SLIT2: variants seen among roughly 807,000 people sequenced by gnomAD.
SLIT2 encodes the protein slit guidance ligand 2, also known as slit homolog 2 protein.
Under a neutral mutation model 185.7 loss-of-function variants are expected in SLIT2, and 41 were observed. The ratio of observed to expected loss-of-function variants is 0.22; its 90% CI spans 0.17 to 0.29. SLIT2 has a LOEUF of 0.29. SLIT2 is among the 10% of genes least tolerant of loss of function. SLIT2 has a pLI of 1.00. For synonymous variants in SLIT2, 693 were observed against 680.2 expected, an observed-to-expected ratio of 1.02 and a Z score of -0.29; for missense variants, 1,571 against 1,909.0, an observed-to-expected ratio of 0.82 and a Z score of 3.30.
At chr4:20,617,351 C>A in intron 35 of SLIT2, 88 bp from the exon 36 acceptor site, 1 of 1,421,736 alleles carries the variant, frequency 7.0e-7, no homozygotes, top group Non-Finnish European at 9.7e-7. Flanking sequence ...CATATTTTCT[C>A]AATCATCCTC....
chr4:20,461,790 G>A (rs1293669902), intron 4 of SLIT2, among the ~76,000 whole-genome samples: 1 of 152,196 alleles, frequency 6.6e-6, no homozygotes, highest in Non-Finnish European at 1.5e-5. Context: ...AGATGAGAAG[G>A]CTTCAGGAAG....
chr4:20,540,390 A>G (rs1236458258), intron 19 of SLIT2, among the ~76,000 whole-genome samples: 2 of 152,202 alleles, frequency 1.3e-5, no homozygotes, highest in East Asian at 3.8e-4. Context: ...CTATGATATT[A>G]GCAAAATATT....
At chr4:20,589,186 G>T (rs558811046) in intron 29 of SLIT2, among the ~76,000 whole-genome samples, 1 of 152,202 alleles carries the variant, frequency 6.6e-6, no homozygotes, top group Non-Finnish European at 1.5e-5. Flanking sequence ...TGCAGGGACC[G>T]GGGGGAAGGC....
Position 20,619,614 on chromosome 4 carries a change from C to A in SLIT2, c.*605C>A, listed in dbSNP as rs1248850108. ...TGTCAGCATGTCAGCAGAAGCAGCA[C>A]ACAAAAGTCTTTACCATTTTCCAGT... On this transcript the variant is annotated 3_prime_UTR_variant, in exon 37 of 37. Coordinates refer to ENST00000504154, the MANE Select transcript of SLIT2 (RefSeq NM_004787.4). The A allele has an allele frequency of 2.0e-5, 3 of 152,058 alleles. No homozygotes were observed. Among genetic ancestry groups the A allele is most frequent in the African/African-American group, 7.2e-5 (3 of 41,396 alleles). 9.4% of individuals were successfully genotyped at this position (152,058 alleles called of 1,614,324 possible). A position where few individuals can be genotyped will look rare whatever the true frequency, so the allele number is the denominator to read the frequency against.
chr4:20,553,556 A>C (rs964625958), intron 25 of SLIT2, among the ~76,000 whole-genome samples: 1 of 152,196 alleles, frequency 6.6e-6, no homozygotes, highest in African/African-American at 2.4e-5. Flanking sequence ...CTAAAGCAAC[A>C]TGAGTGTTGA....
Position 20,430,858 on chromosome 4 carries a change from C to T in SLIT2, c.396-36894C>T, listed in dbSNP as rs574679296. Among the ~76,000 whole-genome samples, 79 of 152,292 alleles carry T rather than the reference C, an allele frequency of 5.2e-4. No homozygotes were observed. The South Asian group carries it at 0.014, about 28-fold the overall frequency. ...AGGAGTGATACACACTTCCTTTTTACCACAGGCTCTACATTGAGATCCATA... is the reference window on the plus strand; with the variant it reads ...AGGAGTGATACACACTTCCTTTTTATCACAGGCTCTACATTGAGATCCATA... On this transcript the variant is annotated intron_variant, in intron 4 of 36. Coordinates refer to ENST00000504154, the MANE Select transcript of SLIT2 (RefSeq NM_004787.4).
chr4:20,492,141 C>T (rs1463116835), intron 9 of SLIT2, among the ~76,000 whole-genome samples: 1 of 152,112 alleles, frequency 6.6e-6, no homozygotes, highest in Non-Finnish European at 1.5e-5. Flanking sequence ...AAAAACAAGG[C>T]AAACAGGATT....
chr4:20,369,560 G>C (rs1434657326), intron 4 of SLIT2, among the ~76,000 whole-genome samples: 1 of 152,068 alleles, frequency 6.6e-6, no homozygotes, highest in East Asian at 1.9e-4. Context: ...GCCAGCCCCT[G>C]ATCTCTCTGA....
rs1005843484 is a variant in SLIT2, at chr4:20,620,129, C to T, written c.*1120C>T. On this transcript the variant is annotated 3_prime_UTR_variant, in exon 37 of 37. Transcript: ENST00000504154. ...ACAGAAAGAAGTGGCCCCTCTGCAA[C>T]ATGTCCTCACAGAAACGAAATGGTG... The T allele has an allele frequency of 4.3e-5, 10 of 234,758 alleles. No individual in the cohort carries two copies. Among genetic ancestry groups the T allele is most frequent in the African/African-American group, 2.3e-4 (10 of 43,350 alleles). The allele number at this position is 234,758 out of a possible 1,614,324, so 14.5% of individuals were successfully genotyped here.
intron 5 of SLIT2, 119 bp downstream of exon 5, chr4:20,467,942 C>A: frequency 3.9e-6 from 2 of 510,886 alleles, no homozygotes; most frequent in East Asian, 3.3e-5. Flanking sequence ...TTTATGCTTG[C>A]GTAGGAGACC....
chr4:20,539,669 T>C (rs1395350635), intron 19 of SLIT2, 85 bp downstream of exon 19: 2 of 880,646 alleles, frequency 2.3e-6, no homozygotes, highest in Non-Finnish European at 3.2e-6. Flanking sequence ...AAGCATTTCA[T>C]TAAAATGTGA....
chr4:20,616,334 G>C (rs540604032), intron 34 of SLIT2: 2 of 152,206 alleles, frequency 1.3e-5, no homozygotes, highest in African/African-American at 4.8e-5. Flanking sequence ...CTGAAACCTG[G>C]TGGACCTAAC....
In SLIT2 at chr4:20,385,564, C is replaced by T. The variant is rs1449301785; in HGVS notation, c.396-82188C>T. On this transcript the variant is annotated intron_variant, in intron 4 of 36. Transcript: ENST00000504154. ...TATACAGGTTTTGCAGTCATATCTG[C>T]ACCTTCACTTGCTGAGCCTCTGTTT... Among the ~76,000 whole-genome samples, 3 of 152,134 alleles carry T rather than the reference C, an allele frequency of 2.0e-5. No individual in the cohort carries two copies. The East Asian group carries it at 5.8e-4, about 29-fold the overall frequency.
At chr4:20,461,950 A>G (rs188373822) in intron 4 of SLIT2, among the ~76,000 whole-genome samples, 1 of 152,240 alleles carries the variant, frequency 6.6e-6, no homozygotes, top group East Asian at 1.9e-4. Flanking sequence ...ACCAGTGACC[A>G]TGGCAGTGGA....
In SLIT2 at chr4:20,484,432, T is replaced by TC. The variant is rs1364665222; in HGVS notation, c.540-1763dup. On this transcript the variant is annotated intron_variant, in intron 6 of 36. Coordinates refer to ENST00000504154, the MANE Select transcript of SLIT2 (RefSeq NM_004787.4). This position sits in a 1 kb window ranked among gnomAD's most constrained non-coding sequence, Gnocchi z 4.3. ...GCCAACAAATCCAGTGCTCTGTAGG[T>TC]CCCCCATAAAGTGGTTTATTTTTTG... Among the ~76,000 whole-genome samples the TC allele has an allele frequency of 6.6e-6, 1 of 152,088 alleles. No individual in the cohort carries two copies. Among genetic ancestry groups the TC allele is most frequent in the Non-Finnish European group, 1.5e-5 (1 of 67,976 alleles).
chr4:20,527,443 T>C (rs1004977153), intron 15 of SLIT2, among the ~76,000 whole-genome samples: 5 of 152,164 alleles, frequency 3.3e-5, no homozygotes, highest in South Asian at 2.1e-4. Context: ...CCCGCAACCA[T>C]GCCCAGCTAA....
At chr4:20,560,054 A>G (rs1369077310) in intron 26 of SLIT2, among the ~76,000 whole-genome samples, 1 of 151,954 alleles carries the variant, frequency 6.6e-6, no homozygotes, top group Non-Finnish European at 1.5e-5. Flanking sequence ...TTGAGTTTTA[A>G]AGCAGCAAAG....
Position 20,553,886 on chromosome 4 carries a change from T to C in SLIT2, c.2643T>C (p.Pro881=), listed in dbSNP as rs531626346. Residue 881 remains proline, a synonymous_variant, in exon 26 of 37, where the codon CCT becomes CCC. Transcript: ENST00000504154. ...GGGTGAAGTCGGAATATAAGGAGCC[T>C]GGAATTGCTCGTTGTGCTGGTCCTG... ...SDWVKSEYKE[P]GIARCAGPGE... 10 of 1,612,820 alleles carry C rather than the reference T, an allele frequency of 6.2e-6. No individual in the cohort carries two copies. In the South Asian group the frequency reaches 1.1e-4, roughly 18 times the overall value.
At chr4:20,462,850 A>G (rs1328829892) in intron 4 of SLIT2, among the ~76,000 whole-genome samples, 5 of 152,144 alleles carry the variant, frequency 3.3e-5, no homozygotes, top group African/African-American at 4.8e-5. Flanking sequence ...ACTCCTAGAA[A>G]TGTCTCACAT....
Sources: gnomAD v4.1 joint callset for allele counts (sites outside exome capture counted in the v4.1 genomes callset) on GRCh38, gnomAD v4.1.1 for gene constraint, Gnocchi (gnomAD v3.1) non-coding constraint, MANE v1.5 for transcripts, NCBI Gene and HGNC (gene_info 2026-07-23, HGNC 2026-07-21) for gene names.